Variants in RNF150 observed in about 807,000 individuals in gnomAD.
The protein encoded by RNF150 is ring finger protein 150.
In RNF150, 24 loss-of-function variants were observed where a neutral mutation model predicts 39.3. The observed-to-expected ratio is 0.61, with a 90% confidence interval of 0.44 to 0.86. The LOEUF is 0.86. Ranked by LOEUF, RNF150 falls within the 40% of genes least tolerant of loss-of-function variation. RNF150 has a pLI of 0.00. For missense variants in RNF150, 502 were observed against 587.8 expected (o/e 0.85, Z 1.51); for synonymous variants, 255 against 227.3 (o/e 1.12, Z -1.10).
chr4:141,053,708 G>A, intron 1 of RNF150: 1 of 1,416,406 alleles, frequency 7.1e-7, no homozygotes, highest in Non-Finnish European at 9.2e-7. Context: ...AGCTTCAGGG[G>A]CTGGGCATGA....
In RNF150 at chr4:141,015,631, T is replaced by C. The variant is rs1370091305; in HGVS notation, c.485-47758A>G. Among the ~76,000 whole-genome samples the C allele has an allele frequency of 2.6e-5, 4 of 152,328 alleles. No homozygotes were observed. In the East Asian group the frequency reaches 5.8e-4, roughly 22 times the overall value. ...CCTGTAATTTTACTGAATTCATTTATCAGTCCTAACAATTTTTCATGGAGT... is the reference window on the plus strand; with the variant it reads ...CCTGTAATTTTACTGAATTCATTTACCAGTCCTAACAATTTTTCATGGAGT... On this transcript the variant is annotated intron_variant, in intron 1 of 6. Coordinates refer to ENST00000515673, the MANE Select transcript of RNF150 (RefSeq NM_020724.2).
At chr4:141,167,242 T>G (rs754617318) in intron 1 of RNF150, among the ~76,000 whole-genome samples, 3 of 152,066 alleles carry the variant, frequency 2.0e-5, no homozygotes, top group Admixed American at 6.6e-5. Context: ...TTACAAGGGA[T>G]GTGAAAGACC....
chr4:140,941,637 A>G (rs953624872), intron 4 of RNF150, among the ~76,000 whole-genome samples: 1 of 152,190 alleles, frequency 6.6e-6, no homozygotes, highest in Non-Finnish European at 1.5e-5. Context: ...ACTTATCAGA[A>G]TGAATACTTA....
chr4:140,864,319 C>G lies in RNF150; in HGVS notation c.*3942G>C, dbSNP rs1466097603. On this transcript the variant is annotated 3_prime_UTR_variant, in exon 7 of 7. Coordinates refer to ENST00000515673, the MANE Select transcript of RNF150 (RefSeq NM_020724.2). Reference sequence around the variant, plus strand: ...TAACCCTAGAGATTAAGTCAATGTTCAAAAGCTGTATTCATAGTCAGGGCT... The same window carrying G: ...TAACCCTAGAGATTAAGTCAATGTTGAAAAGCTGTATTCATAGTCAGGGCT... The G allele has an allele frequency of 6.6e-6, 1 of 152,150 alleles. No homozygotes were observed. Among genetic ancestry groups the G allele is most frequent in the Non-Finnish European group, 1.5e-5 (1 of 68,060 alleles). The allele number at this position is 152,150 out of a possible 1,614,324, so 9.4% of individuals were successfully genotyped here.
chr4:141,035,481 T>C (rs1199377465), intron 1 of RNF150, among the ~76,000 whole-genome samples: 6 of 152,154 alleles, frequency 3.9e-5, no homozygotes, highest in African/African-American at 1.4e-4. Context: ...TTAATATCAA[T>C]GGGGAAAAAT....
intron 1 of RNF150, among the ~76,000 whole-genome samples, chr4:141,018,081 A>G (rs978947346): frequency 6.6e-6 from 1 of 151,522 alleles, no homozygotes; most frequent in Non-Finnish European, 1.5e-5. Context: ...TGCATGTATT[A>G]TAATTTCCTA....
intron 6 of RNF150, among the ~76,000 whole-genome samples, chr4:140,896,721 CAAAA>C (rs1162045168): frequency 3.6e-5 from 2 of 56,062 alleles, no homozygotes; most frequent in Non-Finnish European, 5.1e-5. Flanking sequence ...AACAAACAAA[CAAAA>C]AAAAATAATT....
upstream of RNF150, among the ~76,000 whole-genome samples, chr4:141,136,467 C>T (rs998051113): frequency 6.6e-6 from 1 of 152,172 alleles, no homozygotes; most frequent in African/African-American, 2.4e-5. Flanking sequence ...TTTGAGGGGA[C>T]ATTAATATGT....
intron 2 of RNF150, among the ~76,000 whole-genome samples, chr4:140,951,187 C>T (rs573050408): frequency 9.5e-4 from 144 of 152,266 alleles, no homozygotes; most frequent in Middle Eastern, 6.8e-3. Flanking sequence ...TGCACTGTCA[C>T]GTTTGACATT....
At chr4:140,991,843 C>T (rs1734206343) in intron 1 of RNF150, among the ~76,000 whole-genome samples, 1 of 152,080 alleles carries the variant, frequency 6.6e-6, no homozygotes, top group African/African-American at 2.4e-5. Context: ...AATGATAGAA[C>T]AATTATATAA....
At chr4:140,895,890 A>C (rs1180128482) in intron 6 of RNF150, among the ~76,000 whole-genome samples, 2 of 150,500 alleles carry the variant, frequency 1.3e-5, no homozygotes, top group Non-Finnish European at 1.5e-5. Flanking sequence ...ATGAACAGAC[A>C]CTTCTCAAAA....
chr4:140,884,730 G>A (rs1485204577), intron 6 of RNF150, among the ~76,000 whole-genome samples: 2 of 151,744 alleles, frequency 1.3e-5, no homozygotes, highest in African/African-American at 4.9e-5. Context: ...TCCTGTCTGT[G>A]CTTAGATTTC....
At chr4:141,023,804 C>T (rs921736572) in intron 1 of RNF150, among the ~76,000 whole-genome samples, 6 of 152,234 alleles carry the variant, frequency 3.9e-5, no homozygotes, top group Admixed American at 1.3e-4. Context: ...CGGTGCTTTC[C>T]TACCTTCTTT....
intron 1 of RNF150, among the ~76,000 whole-genome samples, chr4:141,010,388 C>A (rs1224217755): frequency 6.6e-6 from 1 of 152,126 alleles, no homozygotes; most frequent in Non-Finnish European, 1.5e-5. Context: ...CAGGTTGAAA[C>A]TAAAGACCAA....
chr4:140,921,116 C>T (rs1348388363), intron 5 of RNF150, among the ~76,000 whole-genome samples: 2 of 150,762 alleles, frequency 1.3e-5, no homozygotes, highest in Non-Finnish European at 3.0e-5. Flanking sequence ...ACCAGCATGG[C>T]ACATGCATAC....
At chr4:140,982,420 T>C (rs1733889995) in intron 1 of RNF150, among the ~76,000 whole-genome samples, 1 of 152,148 alleles carries the variant, frequency 6.6e-6, no homozygotes, top group Non-Finnish European at 1.5e-5. Flanking sequence ...CTCTGTTCAC[T>C]GCTGCTAGTC....
intron 4 of RNF150, among the ~76,000 whole-genome samples, chr4:140,938,398 C>T (rs1731944599): frequency 6.6e-6 from 1 of 152,076 alleles, no homozygotes; most frequent in African/African-American, 2.4e-5. Flanking sequence ...GGGAATTTCA[C>T]AAATGAATAT....
At position 140,887,870 on chromosome 4, in the gene RNF150, T is replaced by A. The variant is rs141807006; in HGVS notation, c.1199-19491A>T. Among the ~76,000 whole-genome samples the A allele has an allele frequency of 1.1e-4, 17 of 152,286 alleles. No homozygotes were observed. In the East Asian group the frequency reaches 3.3e-3, roughly 29 times the overall value. ...TTAAATAATGTGCCTAAATATATAG[T>A]CCTCAGGAAGAGCATAAACACATTA... On this transcript the variant is annotated intron_variant, in intron 6 of 6. Transcript: ENST00000515673.
chr4:141,077,856 G>T (rs1054347190), intron 1 of RNF150, among the ~76,000 whole-genome samples: 14 of 152,226 alleles, frequency 9.2e-5, no homozygotes, highest in Non-Finnish European at 1.9e-4. Context: ...CTATGCCAGG[G>T]ATGGCCTTTG....
Sources: gnomAD v4.1 joint callset for allele counts (sites outside exome capture counted in the v4.1 genomes callset) on GRCh38, gnomAD v4.1.1 for gene constraint, MANE v1.5 for transcripts, NCBI Gene and HGNC (gene_info 2026-07-23, HGNC 2026-07-21) for gene names.